The following PLAT variants were observed in gnomAD, a reference collection of about 807,000 sequenced individuals.
PLAT encodes plasminogen activator, tissue type, also known as tissue-type plasminogen activator.
In PLAT, 48 loss-of-function variants were observed where a neutral mutation model predicts 74.9. That is an observed-to-expected ratio of 0.64 (90% CI 0.51 to 0.82). The LOEUF is 0.82. Among genes scored for constraint, PLAT ranks in the 40% least tolerant of loss-of-function variants. The pLI is 0.00. For synonymous variants in PLAT, 307 were observed against 294.4 expected (o/e 1.04, Z -0.44); for missense variants, 673 against 736.2 (o/e 0.91, Z 0.99).
intron 7 of PLAT, among the ~76,000 whole-genome samples, chr8:42,183,101 T>A (rs1234439617): frequency 6.6e-6 from 1 of 152,160 alleles, no homozygotes; most frequent in Non-Finnish European, 1.5e-5. Context: ...CCTCCTGGGT[T>A]CAAGCGATTC....
chr8:42,189,574 A>T (rs1011530704), intron 3 of PLAT, among the ~76,000 whole-genome samples: 29 of 151,518 alleles, frequency 1.9e-4, no homozygotes, highest in Non-Finnish European at 3.4e-4. Context: ...GTATCTTCTC[A>T]TATGATTTAT....
At chr8:42,176,249 G>A (rs1271139099) in intron 13 of PLAT, 98 bp from the exon 14 acceptor site, 1 of 823,226 alleles carries the variant, frequency 1.2e-6, no homozygotes, top group African/African-American at 1.7e-5. Context: ...TCAAAATACA[G>A]CAGGCCCTTC....
chr8:42,196,607 A>C (rs1805917823), intron 1 of PLAT, among the ~76,000 whole-genome samples: 1 of 152,190 alleles, frequency 6.6e-6, no homozygotes, highest in Non-Finnish European at 1.5e-5. Context: ...TGCAGAGCAG[A>C]GTGAAAGCCA....
At chr8:42,182,657 C>A (rs141629301) in intron 8 of PLAT, 62 bp downstream of exon 8, 1 of 1,276,172 alleles carries the variant, frequency 7.8e-7, no homozygotes, top group East Asian at 2.4e-5. Context: ...GATCTTCCCC[C>A]GTCTCACACC....
intron 1 of PLAT, among the ~76,000 whole-genome samples, chr8:42,196,593 G>A (rs1474321153): frequency 2.0e-5 from 3 of 152,196 alleles, no homozygotes; most frequent in Non-Finnish European, 4.4e-5. Flanking sequence ...GGCCAGTGAC[G>A]GGATGCAGAG....
intron 13 of PLAT, 26 bp downstream of exon 13, chr8:42,178,871 A>G (rs1805085001): frequency 1.2e-6 from 2 of 1,609,976 alleles, no homozygotes; most frequent in Non-Finnish European, 8.5e-7. Context: ...GGTTGTGCCC[A>G]GCATGGGCGC....
intron 1 of PLAT, among the ~76,000 whole-genome samples, chr8:42,194,054 T>TTTTTTC (rs1805801199): frequency 2.4e-5 from 3 of 126,454 alleles, no homozygotes; most frequent in East Asian, 2.3e-4. Flanking sequence ...TTCTTTCTTT[T>TTTTTTC]TTTTTTTTTT....
At chr8:42,183,975 C>T (rs1308933961) in intron 7 of PLAT, among the ~76,000 whole-genome samples, 1 of 152,112 alleles carries the variant, frequency 6.6e-6, no homozygotes, top group Non-Finnish European at 1.5e-5. Context: ...CAGGATCTCA[C>T]TGTCACCCAG....
chr8:42,185,222 C>T (rs748638484), intron 6 of PLAT, 50 bp from the exon 7 acceptor site: 3 of 1,200,020 alleles, frequency 2.5e-6, no homozygotes. Context: ...GGTGAAGCCT[C>T]TCCTTTAGGA....
intron 12 of PLAT, 122 bp downstream of exon 12, chr8:42,179,804 C>T (rs1805139688): frequency 1.0e-6 from 1 of 974,556 alleles, no homozygotes; most frequent in African/African-American, 1.9e-5. Flanking sequence ...GGAGACGGGA[C>T]TGGCGTCAGT....
chr8:42,194,241 A>AGAGAGAGAGTGTGTGTGTGTGTGT (rs1419569830), intron 1 of PLAT, among the ~76,000 whole-genome samples: 3 of 52,576 alleles, frequency 5.7e-5, no homozygotes, highest in African/African-American at 2.0e-4. Context: ...AGAGAGAGAG[A>AGAGAGAGAGTGTGTGTGTGTGTGT]GTGTGTGTGT....
chr8:42,194,321 G>A (rs915931373), intron 1 of PLAT, among the ~76,000 whole-genome samples: 20 of 147,516 alleles, frequency 1.4e-4, no homozygotes, highest in African/African-American at 4.3e-4. Flanking sequence ...GGCTAGTCTC[G>A]AACTCCTGGG....
At chr8:42,203,990 T>TACACACACACAC (rs1476463301) in intron 1 of PLAT, among the ~76,000 whole-genome samples, 4 of 121,104 alleles carry the variant, frequency 3.3e-5, no homozygotes, top group African/African-American at 2.0e-4. Flanking sequence ...TATATATATA[T>TACACACACACAC]ATACACACAC....
intron 5 of PLAT, 54 bp downstream of exon 5, chr8:42,187,852 G>T: frequency 8.2e-7 from 1 of 1,217,058 alleles, no homozygotes; most frequent in Non-Finnish European, 1.2e-6. Context: ...CCGGGGGCGG[G>T]GGAGACTGGA....
chr8:42,179,900 T>A, intron 12 of PLAT, 26 bp downstream of exon 12: 1 of 1,553,094 alleles, frequency 6.4e-7, no homozygotes, highest in South Asian at 1.2e-5. Flanking sequence ...GCAGACAGGA[T>A]GGGGCCGAGA....
chr8:42,191,439 A>G, intron 2 of PLAT, 25 bp from the exon 3 acceptor site: 1 of 1,612,580 alleles, frequency 6.2e-7, no homozygotes, highest in South Asian at 1.1e-5. Context: ...GAGGTGGAGG[A>G]AGGATCAGCA....
intron 2 of PLAT, among the ~76,000 whole-genome samples, chr8:42,191,753 G>A (rs1805694733): frequency 6.6e-6 from 1 of 152,090 alleles, no homozygotes; most frequent in Non-Finnish European, 1.5e-5. Context: ...AATTTAAACA[G>A]TTGCACAAGG....
rs1162412946 is a variant in PLAT, at chr8:42,179,041, C to G, written c.1386G>C (p.Arg462=). The change falls in exon 13 of 14, where the codon CGG becomes CGC. Residue 462 remains arginine (R), a synonymous_variant. Coordinates refer to ENST00000220809, the MANE Select transcript of PLAT (RefSeq NM_000930.5). ...ACAGTCTGACATGAGCCTCCTTCAGCCGCTCCGAATAGAAAGGAGACACTG... is the reference window on the plus strand; with the variant it reads ...ACAGTCTGACATGAGCCTCCTTCAGGCGCTCCGAATAGAAAGGAGACACTG... ...HEALSPFYSE[R]LKEAHVRLYP... 1 of 1,612,776 alleles carries G rather than the reference C, an allele frequency of 6.2e-7. No homozygotes were observed. The highest frequency in any genetic ancestry group is 8.5e-7 in the Non-Finnish European group (1 of 1,178,792).
At chr8:42,185,230 G>C in intron 6 of PLAT, 58 bp from the exon 7 acceptor site, 1 of 1,041,602 alleles carries the variant, frequency 9.6e-7, no homozygotes, top group Non-Finnish European at 1.4e-6. Context: ...CTCTCCTTTA[G>C]GACCCAAGGA....
Sources: gnomAD v4.1 joint callset for allele counts (sites outside exome capture counted in the v4.1 genomes callset) on GRCh38, gnomAD v4.1.1 for gene constraint, MANE v1.5 for transcripts, NCBI Gene and HGNC (gene_info 2026-07-23, HGNC 2026-07-21) for gene names.